Variants in IMMP2L observed in about 807,000 individuals in gnomAD.
The protein encoded by IMMP2L is mitochondrial inner membrane protease subunit 2.
A neutral mutation model predicts 19.3 loss-of-function variants in IMMP2L; 18 were observed. The ratio of observed to expected loss-of-function variants is 0.93; its 90% CI spans 0.64 to 1.38. The LOEUF (loss-of-function observed/expected upper bound fraction) is 1.38. Ranked by LOEUF, IMMP2L falls within the 40% of genes most tolerant of loss-of-function variation. The probability of loss-of-function intolerance (pLI) is 0.00; values close to 1 mark genes in which losing one functional copy is unlikely to be tolerated. For missense variants in IMMP2L, 233 were observed against 218.2 expected (o/e 1.07, Z -0.43); for synonymous variants, 76 against 73.0 (o/e 1.04, Z -0.21).
At chr7:110,882,287 GCCTTCCTT>G (rs111710073) in intron 5 of IMMP2L, among the ~76,000 whole-genome samples, 2,884 of 122,130 alleles carry the variant, frequency 0.024, 65 homozygotes, top group African/African-American at 0.049. Flanking sequence ...TTTGTCAAGT[GCCTTCCTT>G]CCTTCCTTCC....
intron 3 of IMMP2L, among the ~76,000 whole-genome samples, chr7:111,419,796 C>A (rs952407223): frequency 6.6e-6 from 1 of 151,348 alleles, no homozygotes; most frequent in Non-Finnish European, 1.5e-5. Context: ...TCTAAATTAA[C>A]TGAGACCTGT....
intron 3 of IMMP2L, among the ~76,000 whole-genome samples, chr7:110,994,133 C>CTT (rs532276576): frequency 4.0e-4 from 60 of 149,446 alleles, no homozygotes; most frequent in African/African-American, 9.6e-4. Context: ...TACTCTCTCT[C>CTT]TTTTTTTTTT....
chr7:110,804,679 A>G (rs998964973), intron 5 of IMMP2L, among the ~76,000 whole-genome samples: 4 of 152,116 alleles, frequency 2.6e-5, no homozygotes, highest in African/African-American at 4.8e-5. Flanking sequence ...TGCAATTTCT[A>G]GTTATTTTCA....
At chr7:111,222,153 G>T (rs1812584190) in intron 3 of IMMP2L, among the ~76,000 whole-genome samples, 1 of 152,026 alleles carries the variant, frequency 6.6e-6, no homozygotes, top group East Asian at 1.9e-4. Flanking sequence ...AAAGCAAGAT[G>T]TGTAGATATA....
chr7:111,400,044 T>G (rs1833273552), intron 3 of IMMP2L, among the ~76,000 whole-genome samples: 1 of 152,222 alleles, frequency 6.6e-6, no homozygotes, highest in East Asian at 1.9e-4. Flanking sequence ...CCACTCTCCA[T>G]CTGAATGTGA....
chr7:111,402,996 CCCCCCCCA>C (rs969776392), intron 3 of IMMP2L, among the ~76,000 whole-genome samples: 3 of 97,494 alleles, frequency 3.1e-5, no homozygotes, highest in Admixed American at 1.8e-4. Context: ...CCTTGACCCC[CCCCCCCCA>C]CCCCGCCAGG....
chr7:111,373,682 G>A (rs1407341724), intron 3 of IMMP2L, among the ~76,000 whole-genome samples: 1 of 151,932 alleles, frequency 6.6e-6, no homozygotes, highest in African/African-American at 2.4e-5. Flanking sequence ...TCAAGGATGG[G>A]TTGGTAAGAT....
chr7:110,834,291 C>T (rs12531783), intron 5 of IMMP2L, among the ~76,000 whole-genome samples: 145,534 of 152,210 alleles, frequency 0.96, 69,613 homozygotes, highest in East Asian at 0.98. Flanking sequence ...AGCACAGCAG[C>T]CTGTCATGTA....
At chr7:111,062,839 C>G (rs1301412247) in intron 3 of IMMP2L, among the ~76,000 whole-genome samples, 2 of 152,244 alleles carry the variant, frequency 1.3e-5, no homozygotes, top group African/African-American at 4.8e-5. Context: ...GACATGGGTT[C>G]CCATGGTCTT....
At chr7:111,216,671 T>C (rs1811958244) in intron 3 of IMMP2L, among the ~76,000 whole-genome samples, 1 of 152,158 alleles carries the variant, frequency 6.6e-6, no homozygotes, top group African/African-American at 2.4e-5. Context: ...TTTGTACCCT[T>C]AAAGTGGAAT....
intron 3 of IMMP2L, among the ~76,000 whole-genome samples, chr7:111,279,732 A>C (rs1175517318): frequency 6.6e-6 from 1 of 152,138 alleles, no homozygotes; most frequent in East Asian, 1.9e-4. Flanking sequence ...TGCTTGAAGA[A>C]CAAAGTGGAC....
chr7:111,281,072 G>C (rs985995035), intron 3 of IMMP2L, among the ~76,000 whole-genome samples: 3 of 105,250 alleles, frequency 2.9e-5, no homozygotes, highest in South Asian at 4.5e-4. Flanking sequence ...TCTGAGAAAA[G>C]AAAGAAAGAA....
chr7:111,347,704 G>A (rs1338009515), intron 3 of IMMP2L, among the ~76,000 whole-genome samples: 1 of 151,918 alleles, frequency 6.6e-6, no homozygotes, highest in Admixed American at 6.6e-5. Context: ...TTGGGCTTGA[G>A]TATGATTATC....
chr7:111,287,430 A>G (rs530044204), intron 3 of IMMP2L, among the ~76,000 whole-genome samples: 78 of 152,272 alleles, frequency 5.1e-4, no homozygotes, highest in Non-Finnish European at 8.5e-4. Flanking sequence ...AGGCTTTTGT[A>G]TTAAACACCA....
At chr7:111,219,486 T>G (rs941182735) in intron 3 of IMMP2L, among the ~76,000 whole-genome samples, 2 of 152,024 alleles carry the variant, frequency 1.3e-5, no homozygotes, top group African/African-American at 4.8e-5. Context: ...AAATTTTAAG[T>G]AAACAGGGCT....
intron 3 of IMMP2L, among the ~76,000 whole-genome samples, chr7:111,467,647 T>A (rs111866559): frequency 2.6e-5 from 4 of 152,312 alleles, no homozygotes; most frequent in African/African-American, 9.6e-5. Context: ...TTACCTTGCT[T>A]TAGTTTTGAG....
At chr7:111,183,103 A>G (rs957867033) in intron 3 of IMMP2L, among the ~76,000 whole-genome samples, 6 of 152,192 alleles carry the variant, frequency 3.9e-5, no homozygotes, top group African/African-American at 1.2e-4. Context: ...ATTGTGTCTA[A>G]ACCAAAAAAT....
intron 2 of IMMP2L, among the ~76,000 whole-genome samples, chr7:111,514,074 T>C (rs1378651948): frequency 6.6e-6 from 1 of 152,084 alleles, no homozygotes; most frequent in African/African-American, 2.4e-5. Context: ...ATACAAAGTT[T>C]CAGTTATGTA....
chr7:111,035,247 T>C (rs1467667838), intron 3 of IMMP2L, among the ~76,000 whole-genome samples: 1 of 152,168 alleles, frequency 6.6e-6, no homozygotes, highest in African/African-American at 2.4e-5. Flanking sequence ...GGCCAACGTG[T>C]AAAGACAATG....
Sources: allele counts gnomAD v4.1 joint callset (sites outside exome capture counted in the v4.1 genomes callset), GRCh38; gene constraint gnomAD v4.1.1; transcripts MANE v1.5; gene names NCBI Gene and HGNC (gene_info 2026-07-23, HGNC 2026-07-21).